The following LRRC66 variants were observed in gnomAD, a reference collection of about 807,000 sequenced individuals.
LRRC66 encodes leucine-rich repeat-containing protein 66.
In LRRC66, 29 loss-of-function variants were observed where a neutral mutation model predicts 24.6. The observed-to-expected ratio is 1.18, with a 90% CI of 0.88 to 1.61. The LOEUF is 1.61. Ranked by LOEUF, LRRC66 falls within the 40% of genes most tolerant of loss-of-function variation. The pLI, the probability that LRRC66 is intolerant of heterozygous loss-of-function variation, is 0.00. For missense variants in LRRC66, 1,124 were observed against 1,058.0 expected, an observed-to-expected ratio of 1.06 and a Z score of -0.87; for synonymous variants, 411 against 397.6, an observed-to-expected ratio of 1.03 and a Z score of -0.40.
Position 51,994,059 on chromosome 4 carries a change from AG to A in LRRC66, c.*319del, listed in dbSNP as rs1214627740. On this transcript the variant is annotated 3_prime_UTR_variant, in exon 5 of 5. Transcript: ENST00000682860. ...ATTGATGAAGTGCTCCTGTGTTCTC[AG>A]TGAACTGGTTTTGTTTGGAGCTCTT... 4.1e-6 allele frequency: 1 copy of A among 244,886 alleles called. No individual in the cohort carries two copies. The highest frequency in any genetic ancestry group is 7.8e-6 in the Non-Finnish European group (1 of 127,852). The allele number at this position is 244,886 out of a possible 1,614,324, so 15.2% of individuals were successfully genotyped here.
At position 51,994,836 on chromosome 4, in the gene LRRC66, A is replaced by G; in HGVS notation, c.2186T>C (p.Val729Ala). 6.2e-7 allele frequency: 1 copy of G among 1,614,204 alleles called. No homozygotes were observed. Among genetic ancestry groups the G allele is most frequent in the South Asian group, 1.1e-5 (1 of 91,080 alleles). ...GTCCTGCAGGGACTCCTCATCAGGC[A>G]CTGCCTCTTCAGTCTTGCTCCTTGC... ...ESARSKTEEAVPDEESLQDES... is the reference protein window; with the variant it reads ...ESARSKTEEAAPDEESLQDES... Residue 729 changes from valine to alanine, a missense_variant, in exon 5 of 5, where the codon GTG (valine) becomes GCG (alanine). By Grantham distance (64) the Val-to-Ala change is moderately conservative. Coordinates refer to ENST00000682860, the MANE Select transcript of LRRC66 (RefSeq NM_001024611.3).
At chr4:52,016,287 T>C (rs565496969) in intron 2 of LRRC66, among the ~76,000 whole-genome samples, 3 of 152,224 alleles carry the variant, frequency 2.0e-5, no homozygotes, top group Non-Finnish European at 4.4e-5. Context: ...AAAAACTAAA[T>C]ATGCACAATT....
intron 2 of LRRC66, among the ~76,000 whole-genome samples, chr4:52,013,473 T>C (rs1736743730): frequency 6.6e-6 from 1 of 152,238 alleles, no homozygotes; most frequent in Non-Finnish European, 1.5e-5. Flanking sequence ...TACTGCTTGA[T>C]GAAGGTAGGA....
At chr4:52,019,359 CA>C (rs143733583) in intron 1 of LRRC66, among the ~76,000 whole-genome samples, 18,800 of 146,850 alleles carry the variant, frequency 0.13, 1,558 homozygotes, top group Middle Eastern at 0.27. Flanking sequence ...TCTGAACTCC[CA>C]AAAAAAAAAG....
At position 51,997,893 on chromosome 4, in the gene LRRC66, C is replaced by T; in HGVS notation, c.711G>A (p.Met237Ile). ...GGGGAAATTCTAGAGCTATGATCAT[C>T]ATTGGTAGGATGGTAATCAGAGCAT... ...SNNALITILP[M>I]MIIALEFPHL... The change falls in exon 4 of 5, where the codon ATG (methionine) becomes ATA (isoleucine). Residue 237 changes from methionine to isoleucine, a missense_variant. By Grantham distance (10) the Met-to-Ile change is conservative. Transcript: ENST00000682860. 6.2e-7 allele frequency: 1 copy of T among 1,614,060 alleles called. No homozygotes were observed. Among genetic ancestry groups the T allele is most frequent in the South Asian group, 1.1e-5 (1 of 91,082 alleles).
intron 1 of LRRC66, among the ~76,000 whole-genome samples, chr4:52,019,321 C>T (rs925953362): frequency 5.9e-5 from 9 of 151,974 alleles, no homozygotes; most frequent in East Asian, 3.9e-4. Context: ...TAACATTCAG[C>T]GTTGCTATTG....
At chr4:52,001,124 G>A (rs187965301) in intron 3 of LRRC66, among the ~76,000 whole-genome samples, 32 of 152,256 alleles carry the variant, frequency 2.1e-4, no homozygotes, top group South Asian at 2.1e-3. Flanking sequence ...GGGTAGAAGC[G>A]TTTGAGGACA....
At chr4:52,018,087 C>T (rs1736860876) in intron 1 of LRRC66, 4 of 985,304 alleles carry the variant, frequency 4.1e-6, no homozygotes, top group Non-Finnish European at 3.6e-6. Context: ...CCCTCCATAA[C>T]TCTATGAGTA....
At chr4:52,000,071 T>A (rs1736413940) in intron 3 of LRRC66, among the ~76,000 whole-genome samples, 1 of 152,086 alleles carries the variant, frequency 6.6e-6, no homozygotes, top group African/African-American at 2.4e-5. Flanking sequence ...GATATTCAGC[T>A]TTTTTGGTAC....
At chr4:52,004,410 TAG>T (rs1446903378) in intron 2 of LRRC66, among the ~76,000 whole-genome samples, 2 of 152,258 alleles carry the variant, frequency 1.3e-5, no homozygotes, top group African/African-American at 2.4e-5. Context: ...TAGTAAGTTA[TAG>T]CTAGATTTTG....
chr4:52,018,412 C>T (rs544638249), intron 1 of LRRC66: 9 of 985,052 alleles, frequency 9.1e-6, no homozygotes, highest in African/African-American at 1.7e-5. Flanking sequence ...TTGTTTTAAA[C>T]TAAATTCCAC....
At chr4:51,998,680 G>A (rs148070614) in intron 3 of LRRC66, among the ~76,000 whole-genome samples, 59 of 152,342 alleles carry the variant, frequency 3.9e-4, no homozygotes, top group African/African-American at 1.3e-3. Flanking sequence ...GGAACAAGAA[G>A]TATCCAGTGG....
intron 2 of LRRC66, among the ~76,000 whole-genome samples, chr4:52,006,434 A>G (rs1317165096): frequency 1.3e-5 from 2 of 151,948 alleles, no homozygotes; most frequent in African/African-American, 4.8e-5. Flanking sequence ...CATCATTCTC[A>G]GTAAACTATT....
At position 52,020,318 on chromosome 4, in the gene LRRC66, T is replaced by A. The variant is rs1736916788; in HGVS notation, c.-20A>T. Among the ~76,000 whole-genome samples, 1 of 152,228 alleles carries A rather than the reference T, an allele frequency of 6.6e-6. No homozygotes were observed. Among genetic ancestry groups the A allele is most frequent in the Non-Finnish European group, 1.5e-5 (1 of 68,034 alleles). On this transcript the variant is annotated 5_prime_UTR_variant, in exon 1 of 5. Coordinates refer to ENST00000682860, the MANE Select transcript of LRRC66 (RefSeq NM_001024611.3). The stretch of plus-strand genomic sequence containing the variant: ...CTAAGACATACCTTCGTATCCTAAG[T>A]GGTTATCAAATGGGTGGATATCTGG...
Position 51,994,902 on chromosome 4 carries a change from T to C in LRRC66, c.2120A>G (p.Glu707Gly). The C allele has an allele frequency of 6.2e-7, 1 of 1,614,136 alleles. No individual in the cohort carries two copies. Among genetic ancestry groups the C allele is most frequent in the Non-Finnish European group, 8.5e-7 (1 of 1,180,032 alleles). ...GGAGCTCAGAGTGAACAGAGACCCC[T>C]CATCAGAGTCACAGTCACTCTCCAA... ...CELESDCDSD[E>G]GSLFTLSSIS... is the part of the protein sequence containing the mutation. Residue 707 changes from glutamate (E) to glycine (G), a missense_variant, in exon 5 of 5, where the codon GAG becomes GGG. Physicochemically the swap from Glu to Gly is moderately conservative, Grantham distance 98 (BLOSUM62 -2). Transcript: ENST00000682860.
chr4:52,018,098 A>G, intron 1 of LRRC66: 1 of 985,472 alleles, frequency 1.0e-6, no homozygotes, highest in Non-Finnish European at 1.2e-6. Flanking sequence ...TCTATGAGTA[A>G]AAAGTTTAAC....
chr4:51,994,575 T>C lies in LRRC66; in HGVS notation c.2447A>G (p.Asp816Gly). ...PRSPGNSPLG[D>G]EFPGMFTYDY... The stretch of plus-strand genomic sequence containing the variant: ...ATAAGTGAACATGCCCGGAAACTCA[T>C]CCCCTAAGGGACTATTCCCTGGTGA... Residue 816 changes from aspartate to glycine, a missense_variant, in exon 5 of 5, where the codon GAT (aspartate) becomes GGT (glycine). Physicochemically the swap from Asp to Gly is moderately conservative, Grantham distance 94. Coordinates refer to ENST00000682860, the MANE Select transcript of LRRC66 (RefSeq NM_001024611.3). 2 of 1,614,148 alleles carry C rather than the reference T, an allele frequency of 1.2e-6. No homozygotes were observed. Among genetic ancestry groups the C allele is most frequent in the Non-Finnish European group, 1.7e-6 (2 of 1,180,014 alleles).
Position 51,994,274 on chromosome 4 carries a change from T to C in LRRC66, c.*105A>G. The stretch of plus-strand genomic sequence containing the variant: ...TCAGTGTCCACTTGGTTGGAATTCA[T>C]GTTGTCTCCTTCAGGATCTTGTTGT... On this transcript the variant is annotated 3_prime_UTR_variant, in exon 5 of 5. Transcript: ENST00000682860. 4 of 1,095,982 alleles carry C rather than the reference T, an allele frequency of 3.6e-6. No individual in the cohort carries two copies. Among genetic ancestry groups the C allele is most frequent in the Admixed American group, 2.8e-5 (1 of 35,936 alleles). The allele number at this position is 1,095,982 out of a possible 1,614,324, so 67.9% of individuals were successfully genotyped here.
chr4:51,997,362 A>G (rs1361849344), intron 4 of LRRC66, among the ~76,000 whole-genome samples: 1 of 152,198 alleles, frequency 6.6e-6, no homozygotes, highest in East Asian at 1.9e-4. Flanking sequence ...ATTTGTTAGG[A>G]ATTTGGATAA....
Sources: allele counts gnomAD v4.1 joint callset (sites outside exome capture counted in the v4.1 genomes callset), GRCh38; gene constraint gnomAD v4.1.1; transcripts MANE v1.5; gene names NCBI Gene and HGNC (gene_info 2026-07-23, HGNC 2026-07-21).